Variants in COL5A3 observed in about 807,000 individuals in gnomAD.
COL5A3 encodes collagen alpha-3(V) chain.
A neutral mutation model predicts 250.0 loss-of-function variants in COL5A3; 172 were observed. The observed-to-expected ratio is 0.69, with a 90% CI of 0.61 to 0.78. The LOEUF (loss-of-function observed/expected upper bound fraction) is 0.78. Ranked by LOEUF, COL5A3 falls within the 30% of genes least tolerant of loss-of-function variation. The pLI is 0.00. For synonymous variants in COL5A3, 937 were observed against 900.4 expected (o/e 1.04, Z -0.73); for missense variants, 2,340 against 2,334.4 (o/e 1.00, Z -0.05).
Position 9,989,520 on chromosome 19 carries a change from AC to A in COL5A3, c.1994del (p.Gly665ValfsTer50). The A allele has an allele frequency of 6.2e-7, 1 of 1,611,024 alleles. No homozygotes were observed. The highest frequency in any genetic ancestry group is 8.5e-7 in the Non-Finnish European group (1 of 1,178,454). ...QGLIGTPGEK[G>X]PPGNPGIPGL... ...CTGGAATTCCTGGGTTTCCAGGGGG[AC>A]CCTGAAAGAAGATGAACAGCAGGGG... is the stretch of plus-strand genomic sequence containing the variant. On this transcript the variant is annotated frameshift_variant and splice_region_variant, in exon 25 of 67. Coordinates refer to ENST00000264828, the MANE Select transcript of COL5A3 (RefSeq NM_015719.4). LOFTEE classifies it high-confidence loss of function.
At chr19:9,969,788 T>G in intron 55 of COL5A3, 81 bp downstream of exon 55, 1 of 1,581,102 alleles carries the variant, frequency 6.3e-7, no homozygotes, top group Non-Finnish European at 8.7e-7. Flanking sequence ...CACAGAGTGG[T>G]CATAGGTCCA....
chr19:9,978,407 A>G (rs1191791519), intron 41 of COL5A3, among the ~76,000 whole-genome samples, 167 bp downstream of exon 41: 1 of 152,040 alleles, frequency 6.6e-6, no homozygotes, highest in African/African-American at 2.4e-5. Context: ...TATTTTTAGT[A>G]GAGACGGGGT....
Position 9,996,053 on chromosome 19 carries a change from C to A in COL5A3, c.1533+13G>T. ...ATTCCCATCCTATCCTGCCCTATCTCCACAAGTCTCACCTGTGGCCCTTCT... is the reference window on the plus strand; with the variant it reads ...ATTCCCATCCTATCCTGCCCTATCTACACAAGTCTCACCTGTGGCCCTTCT... On this transcript the variant is annotated intron_variant, in intron 15 of 66. Coordinates refer to ENST00000264828, the MANE Select transcript of COL5A3 (RefSeq NM_015719.4). The A allele has an allele frequency of 6.4e-7, 1 of 1,561,124 alleles. No individual in the cohort carries two copies. The highest frequency in any genetic ancestry group is 1.2e-5 in the South Asian group (1 of 81,884).
chr19:9,970,909 CAATT>C, intron 53 of COL5A3, 62 bp downstream of exon 53: 3 of 1,384,324 alleles, frequency 2.2e-6, no homozygotes, highest in Non-Finnish European at 9.8e-7. Context: ...CCTGCCCCCC[CAATT>C]CACTCACTCA....
In COL5A3 at chr19:9,996,415, T is replaced by G; in HGVS notation, c.1422+18A>C. On this transcript the variant is annotated intron_variant, in intron 13 of 66. Transcript: ENST00000264828. ...ACTCTCTGGGGTTCCTCCCACTATGTCCACACCTCCCACTCACCTGAGTCT... is the reference window on the plus strand; with the variant it reads ...ACTCTCTGGGGTTCCTCCCACTATGGCCACACCTCCCACTCACCTGAGTCT... 3 of 1,612,954 alleles carry G rather than the reference T, an allele frequency of 1.9e-6. No homozygotes were observed. Among genetic ancestry groups the G allele is most frequent in the Non-Finnish European group, 2.5e-6 (3 of 1,179,528 alleles).
chr19:9,993,229 A>G (rs2087220748), intron 19 of COL5A3, 151 bp downstream of exon 19: 3 of 1,109,808 alleles, frequency 2.7e-6, no homozygotes, highest in Non-Finnish European at 4.1e-6. Context: ...CCTGACTCCA[A>G]TCCTAGACCT....
At position 10,001,950 on chromosome 19, in the gene COL5A3, C is replaced by T. The variant is rs540206269; in HGVS notation, c.850-69G>A. Reference sequence around the variant, plus strand: ...ATCAAGACAAAAGGGAGGCACCCTCCCACTGTCCCCAGGAGCTCCCAGTCC... The same window carrying T: ...ATCAAGACAAAAGGGAGGCACCCTCTCACTGTCCCCAGGAGCTCCCAGTCC... On this transcript the variant is annotated intron_variant, in intron 6 of 66. Transcript: ENST00000264828. 3.8e-5 allele frequency: 42 copies of T among 1,102,102 alleles called. No homozygotes were observed. In the East Asian group the frequency reaches 8.0e-4, roughly 21 times the overall value. The allele number at this position is 1,102,102 out of a possible 1,614,324, so 68.3% of individuals were successfully genotyped here.
chr19:9,992,257 T>C (rs2087204994), intron 21 of COL5A3, among the ~76,000 whole-genome samples: 1 of 151,782 alleles, frequency 6.6e-6, no homozygotes. Flanking sequence ...ACCCCGTCTT[T>C]ACTAAAAACA....
Position 9,968,725 on chromosome 19 carries a change from GC to G in COL5A3, c.4155del (p.Ser1387LeufsTer6). ...CCCTTCAGCCCTGGGAGGCCAGAGG[GC>G]CCCTGGGAGAAGAGCAAGGGTCAGT... is the stretch of plus-strand genomic sequence containing the variant. ...PGQMGPPGPL[G>X]PSGLPGLKGD... On this transcript the variant is annotated frameshift_variant and splice_region_variant, in exon 58 of 67. Transcript: ENST00000264828. LOFTEE classifies it high-confidence loss of function. This position sits in a 1 kb window ranked among gnomAD's most constrained non-coding sequence, Gnocchi z 4.1. 6.2e-7 allele frequency: 1 copy of G among 1,607,280 alleles called. No individual in the cohort carries two copies. The highest frequency in any genetic ancestry group is 1.1e-5 in the South Asian group (1 of 89,704).
chr19:9,978,304 AC>A lies in COL5A3; in HGVS notation c.3018+269del, dbSNP rs567768310. On this transcript the variant is annotated intron_variant, in intron 41 of 66. Coordinates refer to ENST00000264828, the MANE Select transcript of COL5A3 (RefSeq NM_015719.4). The stretch of plus-strand genomic sequence containing the variant: ...ACAGAACTGACCTTGGCTCATTGCA[AC>A]CTCCACCTCCCAGGTTCAAGCGATT... Among the ~76,000 whole-genome samples the A allele has an allele frequency of 1.4e-3, 204 of 150,932 alleles. 2 individuals carry two copies. Among genetic ancestry groups the A allele is most frequent in the Non-Finnish European group, 2.3e-3 (159 of 67,710 alleles).
intron 65 of COL5A3, among the ~76,000 whole-genome samples, chr19:9,961,466 G>A (rs1400682621): frequency 2.6e-5 from 4 of 151,692 alleles, no homozygotes; most frequent in African/African-American, 9.7e-5. Context: ...CTGAGCTCAA[G>A]TCATCCTCCC....
rs776699776 is a variant in COL5A3, at chr19:10,001,880, G to A, written c.851C>T (p.Thr284Ile). The change falls in exon 7 of 67, where the codon ACC (threonine) becomes ATC (isoleucine). Residue 284 changes from threonine to isoleucine, a missense_variant and splice_region_variant. Transcript: ENST00000264828. ...CTCTGTCTTGGGGATGTCAGTGGAG[G>A]TCTGGAGCAGGGATGGAGGGAGCCT... is the stretch of plus-strand genomic sequence containing the variant. ...SPPPDSAENQTSTDIPKTETP... is the reference protein window; with the variant it reads ...SPPPDSAENQISTDIPKTETP... 8 of 1,611,544 alleles carry A rather than the reference G, an allele frequency of 5.0e-6. No individual in the cohort carries two copies. The South Asian group carries it at 7.7e-5, about 15-fold the overall frequency.
chr19:9,986,964 G>T lies in COL5A3; in HGVS notation c.2146-206C>A, dbSNP rs527601636. Among the ~76,000 whole-genome samples the T allele has an allele frequency of 5.9e-5, 9 of 152,290 alleles. No individual in the cohort carries two copies. The East Asian group carries it at 1.4e-3, about 23-fold the overall frequency. On this transcript the variant is annotated intron_variant, in intron 27 of 66. Transcript: ENST00000264828. Reference sequence around the variant, plus strand: ...CTCAAGGTCATCTGTGCGGGGGTGTGCAGGGAAGGCCAAATTTCCAAGTAA... The same window carrying T: ...CTCAAGGTCATCTGTGCGGGGGTGTTCAGGGAAGGCCAAATTTCCAAGTAA...
At chr19:9,985,684 C>T (rs562457415) in intron 31 of COL5A3, among the ~76,000 whole-genome samples, 158 bp downstream of exon 31, 226 of 152,234 alleles carry the variant, frequency 1.5e-3, no homozygotes, top group Non-Finnish European at 1.1e-3. Context: ...GGGATTATAG[C>T]CAAGAGCCAC....
chr19:9,983,703 GA>G (rs774084731), intron 31 of COL5A3, among the ~76,000 whole-genome samples: 1 of 144,452 alleles, frequency 6.9e-6, no homozygotes, highest in Non-Finnish European at 1.5e-5. Flanking sequence ...GAAAGAAAGA[GA>G]AAAAAGAAGG....
intron 21 of COL5A3, 111 bp downstream of exon 21, chr19:9,992,716 G>T: frequency 9.5e-7 from 1 of 1,053,942 alleles, no homozygotes; most frequent in Non-Finnish European, 1.4e-6. Context: ...GCCGGAGGTT[G>T]CAGAGAGCTG....
intron 64 of COL5A3, among the ~76,000 whole-genome samples, chr19:9,963,162 C>T (rs1452781018): frequency 1.3e-5 from 2 of 152,150 alleles, no homozygotes; most frequent in African/African-American, 4.8e-5. Context: ...TACACAGTCT[C>T]CCAGGGCTCC....
chr19:10,010,458 G>C lies in COL5A3; in HGVS notation c.-73C>G. The C allele has an allele frequency of 2.0e-6, 2 of 1,021,100 alleles. No homozygotes were observed. The highest frequency in any genetic ancestry group is 2.9e-5 in the South Asian group (1 of 34,848). The allele number at this position is 1,021,100 out of a possible 1,614,324, so 63.3% of individuals were successfully genotyped here. A position where few individuals can be genotyped will look rare whatever the true frequency, so the allele number is the denominator to read the frequency against. ...GGGGCGCGGCGACTTCTCGGGCTCG[G>C]TGCAGTCACTCGCGGCGGCCGCTCC... is the stretch of plus-strand genomic sequence containing the variant. On this transcript the variant is annotated 5_prime_UTR_variant, in exon 1 of 67. Transcript: ENST00000264828.
rs1568411054 is a variant in COL5A3, at chr19:9,974,155, C to T, written c.3504+16G>A. 4 of 1,612,512 alleles carry T rather than the reference C, an allele frequency of 2.5e-6. No homozygotes were observed. In the East Asian group the frequency reaches 6.7e-5, roughly 27 times the overall value. On this transcript the variant is annotated intron_variant, in intron 47 of 66. Transcript: ENST00000264828. ...CCACCATCCTCCCCCTCCCACCTTCCTCTGGGAGTGCATACCATGGACCCG... is the reference window on the plus strand; with the variant it reads ...CCACCATCCTCCCCCTCCCACCTTCTTCTGGGAGTGCATACCATGGACCCG...
Sources: allele counts gnomAD v4.1 joint callset (sites outside exome capture counted in the v4.1 genomes callset), GRCh38; gene constraint gnomAD v4.1.1; non-coding constraint Gnocchi (gnomAD v3.1); transcripts MANE v1.5; gene names NCBI Gene and HGNC (gene_info 2026-07-23, HGNC 2026-07-21).